The following TSPAN18 variants were observed in gnomAD, a reference collection of about 807,000 sequenced individuals.
TSPAN18 encodes tetraspanin 18.
TSPAN18 carries 14 observed loss-of-function variants against 27.3 expected under a neutral mutation model. The observed-to-expected ratio is 0.51, with a 90% CI of 0.34 to 0.80. TSPAN18 has a LOEUF of 0.80. TSPAN18 is among the 30% of genes least tolerant of loss of function. The pLI, the probability that TSPAN18 is intolerant of heterozygous loss-of-function variation, is 0.01. For synonymous variants in TSPAN18, 143 were observed against 136.5 expected (o/e 1.05, Z -0.33); for missense variants, 268 against 323.9 (o/e 0.83, Z 1.32).
chr11:44,828,255 C>A (rs1473279026), intron 2 of TSPAN18, among the ~76,000 whole-genome samples: 1 of 152,068 alleles, frequency 6.6e-6, no homozygotes, highest in Non-Finnish European at 1.5e-5. Context: ...TGGAGGACTG[C>A]ATCATTCTGA....
intron 3 of TSPAN18, among the ~76,000 whole-genome samples, chr11:44,874,753 C>T (rs6485579): frequency 0.18 from 27,954 of 152,168 alleles, 3,444 homozygotes; most frequent in Non-Finnish European, 0.28. Flanking sequence ...AGTGGGGAAG[C>T]TGTGAGGAGA....
chr11:44,739,657 C>A (rs897673572), intron 1 of TSPAN18, among the ~76,000 whole-genome samples: 3 of 152,206 alleles, frequency 2.0e-5, no homozygotes, highest in Non-Finnish European at 2.9e-5. Flanking sequence ...TCATGTCTTC[C>A]TGGTGAAAGA....
At chr11:44,910,080 T>C (rs937276710) in intron 5 of TSPAN18, among the ~76,000 whole-genome samples, 181 bp downstream of exon 5, 2 of 152,198 alleles carry the variant, frequency 1.3e-5, no homozygotes, top group Non-Finnish European at 2.9e-5. Context: ...TGGTAGTCAA[T>C]GGTCCTGAAA....
chr11:44,927,923 T>G (rs528040681), intron 9 of TSPAN18, among the ~76,000 whole-genome samples: 172 of 152,226 alleles, frequency 1.1e-3, no homozygotes, highest in African/African-American at 3.9e-3. Flanking sequence ...GAAGCAGCAT[T>G]CATATACTTG....
intron 2 of TSPAN18, among the ~76,000 whole-genome samples, chr11:44,776,552 A>G (rs920900157): frequency 6.6e-6 from 1 of 152,178 alleles, no homozygotes; most frequent in Non-Finnish European, 1.5e-5. Flanking sequence ...GAAGAAATCA[A>G]CATACCAGTG....
chr11:44,880,037 G>A (rs958806998), intron 3 of TSPAN18, among the ~76,000 whole-genome samples: 9 of 152,236 alleles, frequency 5.9e-5, no homozygotes, highest in East Asian at 1.9e-4. Flanking sequence ...GCTGGGGGGA[G>A]GCTGGACGGT....
At chr11:44,805,188 A>AATCAAAGACG (rs1856566288) in intron 2 of TSPAN18, among the ~76,000 whole-genome samples, 1 of 152,142 alleles carries the variant, frequency 6.6e-6, no homozygotes, top group Non-Finnish European at 1.5e-5. Flanking sequence ...TCATAAAGAC[A>AATCAAAGACG]AATCAATGCC....
chr11:44,781,014 C>T (rs565423672), intron 2 of TSPAN18, among the ~76,000 whole-genome samples: 6 of 152,354 alleles, frequency 3.9e-5, no homozygotes, highest in African/African-American at 4.8e-5. Flanking sequence ...TAAGAGAAAG[C>T]GGTTGCGAAA....
chr11:44,825,592 C>G (rs1857022642), intron 2 of TSPAN18, among the ~76,000 whole-genome samples: 1 of 152,196 alleles, frequency 6.6e-6, no homozygotes, highest in African/African-American at 2.4e-5. Context: ...GGGACCCCTC[C>G]TGTGTGAAGT....
intron 2 of TSPAN18, among the ~76,000 whole-genome samples, chr11:44,849,370 A>G (rs921147452): frequency 6.6e-6 from 1 of 152,278 alleles, no homozygotes; most frequent in African/African-American, 2.4e-5. Context: ...CCAGCAAGGG[A>G]AGCAGAAGGC....
chr11:44,784,054 CA>C (rs1856001047), intron 2 of TSPAN18, among the ~76,000 whole-genome samples: 1 of 152,174 alleles, frequency 6.6e-6, no homozygotes, highest in Non-Finnish European at 1.5e-5. Flanking sequence ...TTTAGAATCC[CA>C]TCCCTTGGGA....
chr11:44,873,198 A>G (rs935204375), intron 3 of TSPAN18, among the ~76,000 whole-genome samples: 3 of 152,216 alleles, frequency 2.0e-5, no homozygotes, highest in African/African-American at 7.2e-5. Flanking sequence ...GGGGCCCTGC[A>G]TAGCCTAGAG....
chr11:44,808,273 G>T (rs1856643199), intron 2 of TSPAN18, among the ~76,000 whole-genome samples: 1 of 152,188 alleles, frequency 6.6e-6, no homozygotes, highest in Admixed American at 6.5e-5. Context: ...GGTGGTGCGA[G>T]GATTGGAAAC....
chr11:44,855,665 C>T (rs1351998604), intron 2 of TSPAN18, among the ~76,000 whole-genome samples: 1 of 152,072 alleles, frequency 6.6e-6, no homozygotes, highest in Non-Finnish European at 1.5e-5. Flanking sequence ...AATTAACCCT[C>T]ACAGTATCTA....
chr11:44,760,139 T>C (rs1855418917), intron 1 of TSPAN18, among the ~76,000 whole-genome samples: 1 of 152,124 alleles, frequency 6.6e-6, no homozygotes, highest in Non-Finnish European at 1.5e-5. Context: ...GGAAAGGAAT[T>C]GGGGATCAGA....
chr11:44,879,650 G>A (rs1858435833), intron 3 of TSPAN18, among the ~76,000 whole-genome samples: 1 of 152,256 alleles, frequency 6.6e-6, no homozygotes, highest in South Asian at 2.1e-4. Flanking sequence ...GCTGGAACAG[G>A]GTGAGGAGGG....
Position 44,877,929 on chromosome 11 carries a change from T to G in TSPAN18, c.-11+17460T>G, listed in dbSNP as rs376875362. ...GCTCCTGGCCTAATACCCTGTACTG[T>G]GGACAGGCACATAGTTGCACATACC... On this transcript the variant is annotated intron_variant, in intron 3 of 9. Coordinates refer to ENST00000520358, the MANE Select transcript of TSPAN18 (RefSeq NM_130783.5). 2.4e-4 allele frequency among the ~76,000 whole-genome samples: 37 copies of G among 152,182 alleles called. No homozygotes were observed. The South Asian group carries it at 6.9e-3, about 28-fold the overall frequency.
At chr11:44,772,572 C>T (rs909988228) in intron 2 of TSPAN18, among the ~76,000 whole-genome samples, 6 of 152,162 alleles carry the variant, frequency 3.9e-5, no homozygotes, top group Non-Finnish European at 2.9e-5. Context: ...TGCTTATATA[C>T]TGTATACTTT....
chr11:44,847,347 G>T (rs1190793461), intron 2 of TSPAN18, among the ~76,000 whole-genome samples: 1 of 152,196 alleles, frequency 6.6e-6, no homozygotes, highest in East Asian at 1.9e-4. Context: ...CCTCCTGTGA[G>T]TTACATCACC....
Sources: allele counts gnomAD v4.1 joint callset (sites outside exome capture counted in the v4.1 genomes callset), GRCh38; gene constraint gnomAD v4.1.1; transcripts MANE v1.5; gene names NCBI Gene and HGNC (gene_info 2026-07-23, HGNC 2026-07-21).